MPP7: variants seen among roughly 807,000 people sequenced by gnomAD.
The protein encoded by MPP7 is MAGUK p55 scaffold protein 7.
In MPP7, 60 loss-of-function variants were observed where a neutral mutation model predicts 76.5. The ratio of observed to expected loss-of-function variants is 0.78; its 90% CI spans 0.64 to 0.97. The LOEUF (loss-of-function observed/expected upper bound fraction) is 0.97, where lower values mean the gene tolerates loss of function less well. MPP7 is among the 50% of genes least tolerant of loss of function. MPP7 has a pLI of 0.00. For missense variants in MPP7, 641 were observed against 694.0 expected, an observed-to-expected ratio of 0.92 and a Z score of 0.86; for synonymous variants, 237 against 244.5, an observed-to-expected ratio of 0.97 and a Z score of 0.29.
At chr10:28,325,695 T>C (rs1020946398) in intron 2 of MPP7, among the ~76,000 whole-genome samples, 3 of 152,002 alleles carry the variant, frequency 2.0e-5, no homozygotes, top group Non-Finnish European at 2.9e-5. Context: ...GGTTTTCCCA[T>C]GTTGGCCACA....
chr10:28,218,608 C>T (rs1321566341), intron 2 of MPP7, among the ~76,000 whole-genome samples: 1 of 152,092 alleles, frequency 6.6e-6, no homozygotes, highest in African/African-American at 2.4e-5. Context: ...CTAATCAAAC[C>T]ATCCAGGCCA....
intron 1 of MPP7, among the ~76,000 whole-genome samples, chr10:28,289,976 G>A (rs573268319): frequency 2.6e-4 from 40 of 152,160 alleles, no homozygotes; most frequent in Non-Finnish European, 2.6e-4. Flanking sequence ...GTGCCACCAC[G>A]TCCAGCTAAT....
At chr10:28,062,015 T>A (rs1334678886) in intron 13 of MPP7, among the ~76,000 whole-genome samples, 1 of 151,958 alleles carries the variant, frequency 6.6e-6, no homozygotes, top group Non-Finnish European at 1.5e-5. Flanking sequence ...TTCAAGGAAG[T>A]TTTTTAGGCT....
chr10:28,217,428 G>A (rs1838345967), intron 2 of MPP7, among the ~76,000 whole-genome samples: 1 of 151,452 alleles, frequency 6.6e-6, no homozygotes, highest in African/African-American at 2.4e-5. Flanking sequence ...TCAGGAGGCT[G>A]AGGCACGAGA....
chr10:28,162,051 C>G (rs894730837), intron 3 of MPP7, among the ~76,000 whole-genome samples: 2 of 152,108 alleles, frequency 1.3e-5, no homozygotes, highest in Admixed American at 1.3e-4. Context: ...CTCTGAAATC[C>G]GGCTGAAGTT....
chr10:28,321,584 A>T (rs1477128781), intron 2 of MPP7, among the ~76,000 whole-genome samples: 2 of 151,828 alleles, frequency 1.3e-5, no homozygotes, highest in Non-Finnish European at 2.9e-5. Context: ...TTTAATAGAA[A>T]TTTTTTTGTT....
intron 2 of MPP7, among the ~76,000 whole-genome samples, chr10:28,234,795 GTTTT>G (rs111503640): frequency 0.14 from 21,568 of 152,048 alleles, 1,656 homozygotes; most frequent in African/African-American, 0.19. Flanking sequence ...GGATTTTGTT[GTTTT>G]TTGTTTTGTT....
chr10:28,176,466 G>A (rs1389357713), intron 3 of MPP7, among the ~76,000 whole-genome samples: 1 of 152,172 alleles, frequency 6.6e-6, no homozygotes, highest in Admixed American at 6.5e-5. Flanking sequence ...TGGGCATGGT[G>A]GCTCACGCCT....
At chr10:28,325,502 T>A (rs1284979952) in intron 2 of MPP7, among the ~76,000 whole-genome samples, 1 of 151,934 alleles carries the variant, frequency 6.6e-6, no homozygotes, top group African/African-American at 2.4e-5. Context: ...TTTCTTTTTT[T>A]TCTTTTTTTG....
At chr10:28,266,278 T>C (rs993991744) in intron 1 of MPP7, among the ~76,000 whole-genome samples, 18 of 152,068 alleles carry the variant, frequency 1.2e-4, no homozygotes, top group African/African-American at 4.1e-4. Flanking sequence ...CCTTTTCAGT[T>C]TAGAGGTTCA....
chr10:28,150,364 T>C (rs1021472633), intron 3 of MPP7, among the ~76,000 whole-genome samples: 16 of 152,178 alleles, frequency 1.1e-4, no homozygotes, highest in Non-Finnish European at 1.9e-4. Context: ...TCAATAAGCA[T>C]GTTAAGTTTT....
chr10:28,123,822 T>A (rs538869141), intron 8 of MPP7, among the ~76,000 whole-genome samples: 2 of 152,146 alleles, frequency 1.3e-5, no homozygotes, highest in Non-Finnish European at 2.9e-5. Flanking sequence ...ACACTCCAGA[T>A]GGATAGTTAC....
At chr10:28,252,921 A>AG (rs1232742926) in intron 1 of MPP7, among the ~76,000 whole-genome samples, 88 of 145,846 alleles carry the variant, frequency 6.0e-4, no homozygotes, top group Admixed American at 1.5e-3. Flanking sequence ...TTTTTTTGGG[A>AG]GGGGGGGGCG....
intron 3 of MPP7, among the ~76,000 whole-genome samples, chr10:28,155,401 G>A (rs1264379552): frequency 6.6e-6 from 1 of 152,032 alleles, no homozygotes; most frequent in Non-Finnish European, 1.5e-5. Context: ...ACCAGCCTGG[G>A]TAACATGGTG....
intron 12 of MPP7, among the ~76,000 whole-genome samples, chr10:28,075,505 G>A (rs1852442671): frequency 6.6e-6 from 1 of 152,044 alleles, no homozygotes; most frequent in Non-Finnish European, 1.5e-5. Context: ...TAGATTGCAC[G>A]ACGCAAGTTA....
At chr10:28,245,547 C>A (rs1376992159) in intron 1 of MPP7, among the ~76,000 whole-genome samples, 1 of 152,138 alleles carries the variant, frequency 6.6e-6, no homozygotes, top group Non-Finnish European at 1.5e-5. Context: ...CCCCGCCTTA[C>A]TGACTCCATG....
At chr10:28,126,410 T>C (rs965668982) in intron 6 of MPP7, among the ~76,000 whole-genome samples, 1 of 152,242 alleles carries the variant, frequency 6.6e-6, no homozygotes, top group Non-Finnish European at 1.5e-5. Context: ...CCACCAAATA[T>C]GCCCAACGGC....
At chr10:28,059,054 C>G (rs571009800) in intron 14 of MPP7, among the ~76,000 whole-genome samples, 5 of 152,090 alleles carry the variant, frequency 3.3e-5, no homozygotes, top group Admixed American at 6.5e-5. Context: ...ATCACTGCGC[C>G]AAACACGAAA....
intron 3 of MPP7, among the ~76,000 whole-genome samples, chr10:28,151,438 T>C (rs1202628668): frequency 2.6e-5 from 4 of 152,310 alleles, no homozygotes; most frequent in Admixed American, 2.6e-4. Context: ...TTTAAATAAT[T>C]ATCGAGAATT....
Sources: allele counts gnomAD v4.1 joint callset (sites outside exome capture counted in the v4.1 genomes callset), GRCh38; gene constraint gnomAD v4.1.1; transcripts MANE v1.5; gene names NCBI Gene and HGNC (gene_info 2026-07-23, HGNC 2026-07-21).